Variants in SUCLG2 observed in about 807,000 individuals in gnomAD.
SUCLG2 encodes succinate-CoA ligase GDP-forming subunit beta, also known as succinate--CoA ligase [GDP-forming] subunit beta, mitochondrial.
Under a neutral mutation model 47.9 loss-of-function variants are expected in SUCLG2, and 42 were observed. That is an observed-to-expected ratio of 0.88 (90% CI 0.69 to 1.14). The LOEUF (loss-of-function observed/expected upper bound fraction) is 1.14, where lower values mean the gene tolerates loss of function less well. Ranked by LOEUF, SUCLG2 falls within the 50% of genes most tolerant of loss-of-function variation. The pLI is 0.00. For synonymous variants in SUCLG2, 195 were observed against 197.3 expected, an observed-to-expected ratio of 0.99 and a Z score of 0.10; for missense variants, 571 against 525.9, an observed-to-expected ratio of 1.09 and a Z score of -0.84.
intron 2 of SUCLG2, among the ~76,000 whole-genome samples, chr3:67,551,784 C>T (rs1392904538): frequency 6.6e-6 from 1 of 152,164 alleles, no homozygotes; most frequent in Non-Finnish European, 1.5e-5. Flanking sequence ...ACTGGCTATG[C>T]ACCAGGAGCT....
intron 8 of SUCLG2, 30 bp from the exon 9 acceptor site, chr3:67,495,970 G>T: frequency 6.2e-7 from 1 of 1,612,786 alleles, no homozygotes; most frequent in East Asian, 2.2e-5. Flanking sequence ...CACAAGACAG[G>T]CTACATTTAG....
chr3:67,464,433 C>G (rs1218593717), intron 9 of SUCLG2, among the ~76,000 whole-genome samples: 1 of 152,162 alleles, frequency 6.6e-6, no homozygotes, highest in East Asian at 1.9e-4. Context: ...AAATTTCAAC[C>G]ATCATGGCTA....
chr3:67,475,949 A>G (rs1704740553), intron 9 of SUCLG2, among the ~76,000 whole-genome samples: 1 of 151,848 alleles, frequency 6.6e-6, no homozygotes, highest in Non-Finnish European at 1.5e-5. Context: ...AGGCCAATTT[A>G]AAACCACAGA....
chr3:67,517,018 T>C (rs1240516807), intron 6 of SUCLG2, among the ~76,000 whole-genome samples: 3 of 152,146 alleles, frequency 2.0e-5, no homozygotes, highest in African/African-American at 7.2e-5. Flanking sequence ...TTTCAACAGA[T>C]CACTTTCCTG....
chr3:67,386,902 G>A (rs558194636), intron 10 of SUCLG2, among the ~76,000 whole-genome samples: 157 of 152,234 alleles, frequency 1.0e-3, no homozygotes, highest in Admixed American at 2.4e-3. Flanking sequence ...TTTTGACTCT[G>A]CTGGTGTACC....
In SUCLG2 at chr3:67,520,520, C is replaced by T; in HGVS notation, c.532G>A (p.Glu178Lys). The T allele has an allele frequency of 6.2e-7, 1 of 1,614,200 alleles. No individual in the cohort carries two copies. Among genetic ancestry groups the T allele is most frequent in the African/African-American group, 1.3e-5 (1 of 75,066 alleles). The change falls in exon 5 of 11, where the codon GAA (glutamate) becomes AAA (lysine). Residue 178 changes from glutamate to lysine, a missense_variant. Transcript: ENST00000307227. ...VGSPQGGVDI[E>K]EVAASNPELI... ...TCCGGGTTTGAAGCAGCCACCTCTTCAATGTCGACGCCCCCCTGGGGGCTG... is the reference window on the plus strand; with the variant it reads ...TCCGGGTTTGAAGCAGCCACCTCTTTAATGTCGACGCCCCCCTGGGGGCTG...
At chr3:67,571,920 T>C (rs1185299080) in intron 2 of SUCLG2, among the ~76,000 whole-genome samples, 1 of 152,210 alleles carries the variant, frequency 6.6e-6, no homozygotes, top group Admixed American at 6.5e-5. Flanking sequence ...GTGGCTTCCT[T>C]GTGTGTCCAT....
chr3:67,387,229 A>G (rs1702278739), intron 10 of SUCLG2, among the ~76,000 whole-genome samples: 2 of 152,220 alleles, frequency 1.3e-5, no homozygotes, highest in Admixed American at 6.5e-5. Context: ...ATAAAAGGAA[A>G]ATAAGTGACA....
chr3:67,484,722 G>A (rs540477154), intron 9 of SUCLG2, among the ~76,000 whole-genome samples: 3 of 152,254 alleles, frequency 2.0e-5, no homozygotes, highest in Admixed American at 6.5e-5. Context: ...GGTGAGGACT[G>A]TAAATTGTAA....
intron 9 of SUCLG2, among the ~76,000 whole-genome samples, chr3:67,401,575 CAA>C (rs5849753): frequency 4.9e-4 from 59 of 121,594 alleles, no homozygotes; most frequent in Non-Finnish European, 5.7e-4. Flanking sequence ...GCATGTGGGC[CAA>C]AAAAAAAAAA....
chr3:67,412,422 T>C (rs1211897383), intron 9 of SUCLG2, among the ~76,000 whole-genome samples: 4 of 152,150 alleles, frequency 2.6e-5, no homozygotes, highest in African/African-American at 9.7e-5. Flanking sequence ...CATCGTGATT[T>C]GGGACCTAGC....
chr3:67,583,381 C>A (rs752689267), intron 2 of SUCLG2, among the ~76,000 whole-genome samples: 2 of 152,192 alleles, frequency 1.3e-5, no homozygotes, highest in African/African-American at 4.8e-5. Context: ...GCGAAAGGAT[C>A]CTTTTAAAAT....
At chr3:67,629,603 T>C (rs1700892108) in intron 1 of SUCLG2, among the ~76,000 whole-genome samples, 2 of 152,104 alleles carry the variant, frequency 1.3e-5, no homozygotes, top group Non-Finnish European at 2.9e-5. Context: ...ATTAAGAAAT[T>C]GGCCATTCGT....
chr3:67,417,498 T>A (rs2106850378), intron 9 of SUCLG2, among the ~76,000 whole-genome samples: 1 of 152,376 alleles, frequency 6.6e-6, no homozygotes, highest in African/African-American at 2.4e-5. Context: ...AAAATACATT[T>A]CTTAATAATG....
intron 2 of SUCLG2, among the ~76,000 whole-genome samples, chr3:67,541,624 T>C (rs1247209814): frequency 1.3e-5 from 2 of 152,178 alleles, no homozygotes; most frequent in Non-Finnish European, 1.5e-5. Flanking sequence ...TTCCCCAACC[T>C]AGCAAGGCAG....
intron 10 of SUCLG2, among the ~76,000 whole-genome samples, chr3:67,378,506 G>A (rs1702084154): frequency 6.6e-6 from 1 of 152,206 alleles, no homozygotes; most frequent in African/African-American, 2.4e-5. Flanking sequence ...AGGAGGAAGT[G>A]CATCTGGCCA....
At position 67,417,931 on chromosome 3, in the gene SUCLG2, C is replaced by A. The variant is rs1703071511; in HGVS notation, c.1063-17080G>T. ...TGAAAGTTATTCTTTAATCTTTATA[C>A]TGGGGGACCTCATCTGACACAACAA... is the stretch of plus-strand genomic sequence containing the variant. On this transcript the variant is annotated intron_variant, in intron 9 of 10. Coordinates refer to ENST00000307227, the MANE Select transcript of SUCLG2 (RefSeq NM_003848.4). Among the ~76,000 whole-genome samples the A allele has an allele frequency of 2.0e-5, 3 of 152,152 alleles. No individual in the cohort carries two copies. In the South Asian group the frequency reaches 6.2e-4, roughly 31 times the overall value.
chr3:67,516,061 A>G (rs896929968), intron 6 of SUCLG2, among the ~76,000 whole-genome samples: 3 of 152,074 alleles, frequency 2.0e-5, no homozygotes. Context: ...CCTGAGGAAC[A>G]ATGGTTATTT....
chr3:67,453,683 G>A (rs1243863072), intron 9 of SUCLG2, among the ~76,000 whole-genome samples: 15 of 152,182 alleles, frequency 9.9e-5, no homozygotes, highest in Non-Finnish European at 2.2e-4. Context: ...CAGGAAGTAA[G>A]AAAACAATCT....
Sources: allele counts gnomAD v4.1 joint callset (sites outside exome capture counted in the v4.1 genomes callset), GRCh38; gene constraint gnomAD v4.1.1; transcripts MANE v1.5; gene names NCBI Gene and HGNC (gene_info 2026-07-23, HGNC 2026-07-21).